Variants in CSMD1 observed in about 807,000 individuals in gnomAD.
The protein encoded by CSMD1 is CUB and sushi domain-containing protein 1.
Under a neutral mutation model 417.5 loss-of-function variants are expected in CSMD1, and 213 were observed. The observed-to-expected ratio is 0.51, with a 90% CI of 0.46 to 0.57. The LOEUF is 0.57. Ranked by LOEUF, CSMD1 falls within the 20% of genes least tolerant of loss-of-function variation. CSMD1 has a pLI of 0.00. For synonymous variants in CSMD1, 2,862 were observed against 1,736.8 expected (o/e 1.65, Z -16.11); for missense variants, 6,923 against 4,529.7 (o/e 1.53, Z -15.17).
chr8:4,868,426 G>A (rs945311405), intron 1 of CSMD1, among the ~76,000 whole-genome samples: 2 of 151,810 alleles, frequency 1.3e-5, no homozygotes, highest in African/African-American at 2.4e-5. Context: ...GTAGAGACCG[G>A]GGTTTTGCCA....
At chr8:4,401,043 G>A (rs1804612865) in intron 3 of CSMD1, among the ~76,000 whole-genome samples, 2 of 152,050 alleles carry the variant, frequency 1.3e-5, no homozygotes, top group Non-Finnish European at 2.9e-5. Flanking sequence ...TATACGCTGA[G>A]CATGCAATAT....
rs772434353 is a variant in CSMD1 at position 3,991,720 on chromosome 8, T to C, written c.818+6183A>G. Among the ~76,000 whole-genome samples the C allele has an allele frequency of 2.0e-5, 3 of 152,180 alleles. No homozygotes were observed. The East Asian group carries it at 5.8e-4, about 29-fold the overall frequency. ...GGAGTGCCGACACACTGCTTCCATCTTCCTGTTTTGAAATTAGCGATGAAA... is the reference window on the plus strand; with the variant it reads ...GGAGTGCCGACACACTGCTTCCATCCTCCTGTTTTGAAATTAGCGATGAAA... On this transcript the variant is annotated intron_variant, in intron 5 of 69. Coordinates refer to ENST00000635120, the MANE Select transcript of CSMD1 (RefSeq NM_033225.6).
intron 2 of CSMD1, among the ~76,000 whole-genome samples, chr8:4,552,895 G>A (rs1007200063): frequency 1.3e-5 from 2 of 152,102 alleles, no homozygotes; most frequent in Non-Finnish European, 2.9e-5. Flanking sequence ...CTCTTCCCTA[G>A]GAACAGGTGA....
intron 3 of CSMD1, among the ~76,000 whole-genome samples, chr8:4,168,743 T>C (rs1215694193): frequency 6.6e-6 from 1 of 152,202 alleles, no homozygotes; most frequent in Admixed American, 6.5e-5. Context: ...CCTCATTGGC[T>C]ATTCAAGTTA....
chr8:4,878,040 A>G (rs1563655508), intron 1 of CSMD1, among the ~76,000 whole-genome samples: 1 of 152,032 alleles, frequency 6.6e-6, no homozygotes, highest in South Asian at 2.1e-4. Flanking sequence ...CATAAAACCT[A>G]TTTGATCTGA....
chr8:4,249,540 T>C (rs921660455), intron 3 of CSMD1, among the ~76,000 whole-genome samples: 1 of 152,204 alleles, frequency 6.6e-6, no homozygotes, highest in Non-Finnish European at 1.5e-5. Flanking sequence ...ACTGTGACTC[T>C]CAGGGAGACC....
intron 1 of CSMD1, among the ~76,000 whole-genome samples, chr8:4,699,565 C>A (rs963727855): frequency 6.6e-6 from 1 of 152,094 alleles, no homozygotes; most frequent in South Asian, 2.1e-4. Flanking sequence ...TGGATCCTTT[C>A]TTTCTAATTT....
chr8:4,097,116 C>G (rs1001187259), intron 3 of CSMD1, among the ~76,000 whole-genome samples: 3 of 152,278 alleles, frequency 2.0e-5, no homozygotes, highest in African/African-American at 7.2e-5. Context: ...CTTCCCCTCT[C>G]TGCACTCTGA....
At chr8:4,242,252 A>T (rs556156724) in intron 3 of CSMD1, among the ~76,000 whole-genome samples, 2 of 152,186 alleles carry the variant, frequency 1.3e-5, no homozygotes, top group Non-Finnish European at 2.9e-5. Context: ...ATCTTTATAA[A>T]CATCATCTTC....
At chr8:4,279,614 A>G (rs372402572) in intron 3 of CSMD1, among the ~76,000 whole-genome samples, 24 of 152,212 alleles carry the variant, frequency 1.6e-4, no homozygotes, top group East Asian at 1.5e-3. Flanking sequence ...CAATGAAAGG[A>G]TAAATGCTTA....
At chr8:3,865,126 C>T (rs1804993904) in intron 5 of CSMD1, among the ~76,000 whole-genome samples, 1 of 152,194 alleles carries the variant, frequency 6.6e-6, no homozygotes, top group Non-Finnish European at 1.5e-5. Context: ...ACTTTCTCAT[C>T]ATTTGTTCTG....
chr8:3,926,061 C>CACACACACAAACACCATACACACAA (rs1809660182), intron 5 of CSMD1, among the ~76,000 whole-genome samples: 1 of 138,504 alleles, frequency 7.2e-6, no homozygotes, highest in East Asian at 2.1e-4. Flanking sequence ...TATACACACA[C>CACACACACAAACACCATACACACAA]ACACACACAC....
chr8:3,520,730 T>C (rs1445521599), intron 10 of CSMD1, among the ~76,000 whole-genome samples: 1 of 152,058 alleles, frequency 6.6e-6, no homozygotes, highest in East Asian at 1.9e-4. Context: ...CACCTTTTTT[T>C]GTGTGTATAT....
intron 1 of CSMD1, among the ~76,000 whole-genome samples, chr8:4,989,620 G>C (rs1811359281): frequency 6.6e-6 from 1 of 152,174 alleles, no homozygotes; most frequent in African/African-American, 2.4e-5. Flanking sequence ...ACATACAAAA[G>C]GCCAAAGGGA....
At chr8:4,887,511 C>G (rs965608226) in intron 1 of CSMD1, among the ~76,000 whole-genome samples, 1 of 151,850 alleles carries the variant, frequency 6.6e-6, no homozygotes, top group African/African-American at 2.4e-5. Flanking sequence ...TTCAATTCTT[C>G]TAGTTCCTTG....
chr8:3,491,850 G>A (rs1206252287), intron 11 of CSMD1, among the ~76,000 whole-genome samples: 1 of 152,212 alleles, frequency 6.6e-6, no homozygotes, highest in East Asian at 1.9e-4. Flanking sequence ...ACCACCCGGC[G>A]GGTACCCCGA....
At chr8:4,335,533 G>C (rs1362431411) in intron 3 of CSMD1, among the ~76,000 whole-genome samples, 2 of 152,008 alleles carry the variant, frequency 1.3e-5, no homozygotes, top group African/African-American at 4.8e-5. Context: ...AAGAACATCA[G>C]CACCAACATC....
At chr8:4,427,133 C>T (rs1393805525) in intron 2 of CSMD1, among the ~76,000 whole-genome samples, 1 of 150,234 alleles carries the variant, frequency 6.7e-6, no homozygotes, top group Non-Finnish European at 1.5e-5. Context: ...GCCTCTCCTG[C>T]CAGGTAGGGG....
intron 1 of CSMD1, among the ~76,000 whole-genome samples, chr8:4,877,969 A>G (rs768000731): frequency 2.0e-5 from 3 of 152,074 alleles, no homozygotes; most frequent in African/African-American, 4.8e-5. Flanking sequence ...ATCCAAACAC[A>G]TATGTATGTG....
Sources: allele counts gnomAD v4.1 joint callset (sites outside exome capture counted in the v4.1 genomes callset), GRCh38; gene constraint gnomAD v4.1.1; transcripts MANE v1.5; gene names NCBI Gene and HGNC (gene_info 2026-07-23, HGNC 2026-07-21).